The following SPECC1L variants were observed in gnomAD, a reference collection of about 807,000 sequenced individuals.
The protein encoded by SPECC1L is sperm antigen with calponin homology and coiled-coil domains 1 like, also known as cytospin-A.
Under a neutral mutation model 116.8 loss-of-function variants are expected in SPECC1L, and 40 were observed. The ratio of observed to expected loss-of-function variants is 0.34; its 90% CI spans 0.27 to 0.45. The LOEUF (loss-of-function observed/expected upper bound fraction) is 0.45, where lower values mean the gene tolerates loss of function less well. Among genes scored for constraint, SPECC1L ranks in the 20% least tolerant of loss-of-function variants. The pLI is 1.00. For synonymous variants in SPECC1L, 504 were observed against 500.6 expected (o/e 1.01, Z -0.09); for missense variants, 1,110 against 1,373.6 (o/e 0.81, Z 3.03).
chr22:24,297,598 T>C (rs1306411617), intron 2 of SPECC1L, among the ~76,000 whole-genome samples: 1 of 152,238 alleles, frequency 6.6e-6, no homozygotes, highest in African/African-American at 2.4e-5. Context: ...AATATAAGTA[T>C]TCACCAGTTG....
chr22:24,378,846 A>G (rs2042014607), intron 14 of SPECC1L, among the ~76,000 whole-genome samples: 1 of 152,178 alleles, frequency 6.6e-6, no homozygotes, highest in Non-Finnish European at 1.5e-5. Flanking sequence ...AACAGTTATA[A>G]TAATAATGAG....
chr22:24,305,298 C>T (rs2049470230), intron 3 of SPECC1L, among the ~76,000 whole-genome samples: 3 of 152,164 alleles, frequency 2.0e-5, no homozygotes, highest in Admixed American at 1.3e-4. Flanking sequence ...CATATGTGCC[C>T]CTCAGAAGCT....
intron 11 of SPECC1L, among the ~76,000 whole-genome samples, chr22:24,352,513 T>A (rs2041445953): frequency 6.6e-6 from 1 of 152,200 alleles, no homozygotes; most frequent in Admixed American, 6.5e-5. Flanking sequence ...CAGAGATTTT[T>A]ATAAACTGAG....
intron 1 of SPECC1L, among the ~76,000 whole-genome samples, chr22:24,275,442 T>G (rs1159513696): frequency 6.6e-6 from 1 of 152,184 alleles, no homozygotes; most frequent in African/African-American, 2.4e-5. Context: ...GTCTCTAATG[T>G]CTTATTTTGG....
intron 2 of SPECC1L, among the ~76,000 whole-genome samples, chr22:24,301,413 G>C (rs1206002307): frequency 2.6e-5 from 4 of 152,138 alleles, no homozygotes; most frequent in Admixed American, 6.5e-5. Flanking sequence ...CTCGTAAGTT[G>C]ACAATGTCAT....
chr22:24,338,303 A>G, intron 9 of SPECC1L, 83 bp from the exon 10 acceptor site: 2 of 1,354,652 alleles, frequency 1.5e-6, no homozygotes, highest in Non-Finnish European at 2.1e-6. Context: ...GCATTGGGTA[A>G]TCAGGCGAGT....
At chr22:24,401,181 T>C (rs1244514870) in intron 14 of SPECC1L, among the ~76,000 whole-genome samples, 1 of 152,200 alleles carries the variant, frequency 6.6e-6, no homozygotes, top group Admixed American at 6.5e-5. Context: ...TCACATTGTG[T>C]TTGGAAGTAT....
intron 6 of SPECC1L, among the ~76,000 whole-genome samples, chr22:24,327,106 C>T (rs1173512739): frequency 7.3e-5 from 11 of 151,612 alleles, no homozygotes; most frequent in South Asian, 2.1e-4. Flanking sequence ...GGTGAAACCC[C>T]GTCTGTACTA....
intron 3 of SPECC1L, 117 bp from the exon 4 acceptor site, chr22:24,313,196 A>G: frequency 1.0e-6 from 1 of 990,546 alleles, no homozygotes; most frequent in Non-Finnish European, 1.6e-6. Context: ...TACCTGTCAG[A>G]TAGTTTTGGT....
chr22:24,389,260 G>C (rs945553730), intron 14 of SPECC1L, among the ~76,000 whole-genome samples: 2 of 151,938 alleles, frequency 1.3e-5, no homozygotes, highest in Non-Finnish European at 2.9e-5. Flanking sequence ...GGGATTACAG[G>C]TGCATGCCAC....
At chr22:24,329,057 G>A (rs2040884984) in intron 7 of SPECC1L, 138 bp downstream of exon 7, 1 of 716,504 alleles carries the variant, frequency 1.4e-6, no homozygotes, top group Non-Finnish European at 2.5e-6. Flanking sequence ...TGGGCAGAAA[G>A]CAAATGCTAT....
At chr22:24,387,535 G>GA (rs1245303273) in intron 14 of SPECC1L, among the ~76,000 whole-genome samples, 1 of 152,010 alleles carries the variant, frequency 6.6e-6, no homozygotes, top group Admixed American at 6.6e-5. Flanking sequence ...AAAAATTAAG[G>GA]AAAAAATTTT....
At chr22:24,385,433 A>AAGAAAC (rs1443863079) in intron 14 of SPECC1L, among the ~76,000 whole-genome samples, 1 of 152,226 alleles carries the variant, frequency 6.6e-6, no homozygotes, top group East Asian at 1.9e-4. Context: ...GTTAAAAACA[A>AAGAAAC]TAGACTCAAC....
intron 2 of SPECC1L, among the ~76,000 whole-genome samples, chr22:24,294,240 A>G (rs2049212836): frequency 8.0e-6 from 1 of 124,248 alleles, no homozygotes; most frequent in Admixed American, 8.5e-5. Context: ...TTCTGCTTCC[A>G]TTGTATCCTG....
At position 24,412,719 on chromosome 22, in the gene SPECC1L, T is replaced by A; in HGVS notation, c.3264+12T>A. The A allele has an allele frequency of 6.2e-7, 1 of 1,613,804 alleles. No individual in the cohort carries two copies. Among genetic ancestry groups the A allele is most frequent in the Non-Finnish European group, 8.5e-7 (1 of 1,179,882 alleles). On this transcript the variant is annotated intron_variant, in intron 16 of 16. Coordinates refer to ENST00000314328, the MANE Select transcript of SPECC1L (RefSeq NM_015330.6). ...TCAAATCCACACTGGTGAGCCCTTG[T>A]CCCCCTGAGTCACTGGCAGGGCCCT...
intron 13 of SPECC1L, among the ~76,000 whole-genome samples, chr22:24,367,317 A>G (rs1472537891): frequency 6.6e-6 from 1 of 152,214 alleles, no homozygotes; most frequent in South Asian, 2.1e-4. Flanking sequence ...TGATAGTATA[A>G]CAAACTTCTT....
At chr22:24,370,050 G>C (rs898441887) in intron 14 of SPECC1L, among the ~76,000 whole-genome samples, 2 of 152,236 alleles carry the variant, frequency 1.3e-5, no homozygotes, top group African/African-American at 4.8e-5. Context: ...AAAGGGAATG[G>C]AGTTCTATGT....
chr22:24,341,658 G>A (rs1344527042), intron 10 of SPECC1L, among the ~76,000 whole-genome samples: 1 of 152,238 alleles, frequency 6.6e-6, no homozygotes, highest in African/African-American at 2.4e-5. Context: ...ATTTGCTCCT[G>A]TTGAGTGTTG....
chr22:24,297,541 A>G (rs973701838), intron 2 of SPECC1L, among the ~76,000 whole-genome samples: 34 of 152,184 alleles, frequency 2.2e-4, no homozygotes, highest in African/African-American at 8.0e-4. Flanking sequence ...TAACCAATAT[A>G]TATGATTGTG....
Sources: allele counts gnomAD v4.1 joint callset (sites outside exome capture counted in the v4.1 genomes callset), GRCh38; gene constraint gnomAD v4.1.1; transcripts MANE v1.5; gene names NCBI Gene and HGNC (gene_info 2026-07-23, HGNC 2026-07-21).